The following KRABD5 variants were observed in gnomAD, a reference collection of about 807,000 sequenced individuals.
The protein encoded by KRABD5 is KRAB domain-containing protein 5.
chr16:31,740,143 A>T, the KRABD5 span, among the ~76,000 whole-genome samples: 2 of 152,150 alleles, frequency 1.3e-5, no homozygotes, highest in East Asian at 3.9e-4. Flanking sequence ...CCCACTCCAC[A>T]TGCTATATTT....
the KRABD5 span, among the ~76,000 whole-genome samples, chr16:31,716,035 G>C: frequency 6.6e-6 from 1 of 152,150 alleles, no homozygotes; most frequent in Non-Finnish European, 1.5e-5. Context: ...CACCCACTAG[G>C]CACTGGCGTC....
chr16:31,753,271 A>G, the KRABD5 span, among the ~76,000 whole-genome samples: 1 of 152,144 alleles, frequency 6.6e-6, no homozygotes, highest in Admixed American at 6.6e-5. Flanking sequence ...CATAGGCACT[A>G]CTGTCTCTCT....
the KRABD5 span, among the ~76,000 whole-genome samples, chr16:31,751,313 G>C: frequency 1.3e-5 from 2 of 152,290 alleles, no homozygotes; most frequent in South Asian, 2.1e-4. Context: ...TAGAATGAAA[G>C]GGGAGGAGTC....
chr16:31,750,871 T>C, the KRABD5 span, among the ~76,000 whole-genome samples: 4 of 152,180 alleles, frequency 2.6e-5, no homozygotes, highest in African/African-American at 9.7e-5. Flanking sequence ...ATTATTCTCA[T>C]GCCTCAGTCG....
chr16:31,714,755 G>A, the KRABD5 span, among the ~76,000 whole-genome samples: 4 of 152,174 alleles, frequency 2.6e-5, no homozygotes, highest in African/African-American at 9.7e-5. Context: ...TTTGTTACTG[G>A]GAGAAGCTGC....
chr16:31,742,182 C>G, the KRABD5 span, among the ~76,000 whole-genome samples: 1 of 82,964 alleles, frequency 1.2e-5, no homozygotes. Flanking sequence ...TTTTGTTTTT[C>G]TTTATTTCCT....
At chr16:31,745,270 T>G in the KRABD5 span, among the ~76,000 whole-genome samples, 1 of 152,204 alleles carries the variant, frequency 6.6e-6, no homozygotes, top group Non-Finnish European at 1.5e-5. Flanking sequence ...GCTATAAATT[T>G]CCCTCTTAAC....
chr16:31,714,445 C>T, the KRABD5 span: 5 of 456,018 alleles, frequency 1.1e-5, no homozygotes, highest in African/African-American at 2.0e-5. Flanking sequence ...CCCCAGAAGG[C>T]GTGCAGTGCC....
the KRABD5 span, among the ~76,000 whole-genome samples, chr16:31,717,625 A>G: frequency 2.0e-5 from 3 of 152,092 alleles, no homozygotes; most frequent in South Asian, 2.1e-4. Context: ...TGTTTTTCCA[A>G]TCTCTTAGCA....
At chr16:31,716,476 G>T in the KRABD5 span, among the ~76,000 whole-genome samples, 2 of 152,164 alleles carry the variant, frequency 1.3e-5, no homozygotes, top group Non-Finnish European at 1.5e-5. Flanking sequence ...CTGGGCTCAG[G>T]TGATCCTCCC....
chr16:31,761,038 G>A, the KRABD5 span: 9 of 152,130 alleles, frequency 5.9e-5, no homozygotes, highest in Admixed American at 5.9e-4. Context: ...GGAGTTCATG[G>A]GCTTTGGAGT....
At chr16:31,731,524 A>T in the KRABD5 span, among the ~76,000 whole-genome samples, 1 of 152,204 alleles carries the variant, frequency 6.6e-6, no homozygotes, top group African/African-American at 2.4e-5. Flanking sequence ...ACTGATGGAC[A>T]TGACTGACCC....
chr16:31,719,179 C>T, the KRABD5 span, among the ~76,000 whole-genome samples: 81 of 152,162 alleles, frequency 5.3e-4, no homozygotes, highest in Admixed American at 1.0e-3. Flanking sequence ...TCATGTGATC[C>T]GGTGCAAGCA....
the KRABD5 span, among the ~76,000 whole-genome samples, chr16:31,720,987 T>C: frequency 6.6e-6 from 1 of 152,212 alleles, no homozygotes; most frequent in African/African-American, 2.4e-5. Context: ...CATACACTCC[T>C]TTATTCTCTG....
At chr16:31,750,136 G>A in the KRABD5 span, among the ~76,000 whole-genome samples, 20 of 152,120 alleles carry the variant, frequency 1.3e-4, no homozygotes. Context: ...GGGCAGTATG[G>A]CCATTTTAAT....
the KRABD5 span, among the ~76,000 whole-genome samples, chr16:31,719,638 T>G: frequency 6.6e-6 from 1 of 152,220 alleles, no homozygotes; most frequent in African/African-American, 2.4e-5. Flanking sequence ...TGGCCCCACC[T>G]TGGAGCCTAC....
chr16:31,714,544 G>A, the KRABD5 span: 2 of 388,780 alleles, frequency 5.1e-6, no homozygotes. Context: ...GAGATGGGAA[G>A]AAGGCACCCC....
At chr16:31,752,462 G>A in the KRABD5 span, among the ~76,000 whole-genome samples, 1 of 151,956 alleles carries the variant, frequency 6.6e-6, no homozygotes, top group Admixed American at 6.6e-5. Flanking sequence ...CCGAAGTTTG[G>A]TGCATAGGTG....
At chr16:31,750,466 A>T in the KRABD5 span, among the ~76,000 whole-genome samples, 1 of 152,134 alleles carries the variant, frequency 6.6e-6, no homozygotes. Context: ...GTAGAATCAT[A>T]TGAGCAGAGA....
Sources: allele counts gnomAD v4.1 joint callset (sites outside exome capture counted in the v4.1 genomes callset), GRCh38; gene constraint gnomAD v4.1.1; transcripts MANE v1.5; gene names NCBI Gene and HGNC (gene_info 2026-07-23, HGNC 2026-07-21).